Variants in COL18A1 observed in about 807,000 individuals in gnomAD.
The protein encoded by COL18A1 is collagen alpha-1(XVIII) chain.
COL18A1 carries 133 observed loss-of-function variants against 168.0 expected under a neutral mutation model. The ratio of observed to expected loss-of-function variants is 0.79; its 90% CI spans 0.69 to 0.91. The LOEUF (loss-of-function observed/expected upper bound fraction) is 0.91, where lower values mean the gene tolerates loss of function less well. Ranked by LOEUF, COL18A1 falls within the 40% of genes least tolerant of loss-of-function variation. The pLI is 0.00. For missense variants in COL18A1, 2,126 were observed against 1,925.4 expected (o/e 1.10, Z -1.95); for synonymous variants, 949 against 809.0 (o/e 1.17, Z -2.94).
rs1007900612 is a variant in COL18A1, at chr21:45,492,470, C to A, written c.2158-65C>A. 9 of 1,588,168 alleles carry A rather than the reference C, an allele frequency of 5.7e-6. No homozygotes were observed. The Admixed American group carries it at 8.3e-5, about 15-fold the overall frequency. On this transcript the variant is annotated intron_variant, in intron 22 of 41. Transcript: ENST00000651438. ...TGGTGTTTTGTTGATCTGTAAGTCG[C>A]TCGAGTCCAGTTGAATTTTAAACGC...
In COL18A1 at chr21:45,501,997, G is replaced by GC. The variant is rs1368281106; in HGVS notation, c.2684-2013dup. Among the ~76,000 whole-genome samples, 26 of 66,364 alleles carry GC rather than the reference G, an allele frequency of 3.9e-4. 1 individual carries two copies. Among genetic ancestry groups the GC allele is most frequent in the African/African-American group, 6.5e-4 (10 of 15,406 alleles). 43.5% of individuals were successfully genotyped at this position (66,364 alleles called of 152,430 possible). On this transcript the variant is annotated intron_variant, in intron 32 of 41. Transcript: ENST00000651438. ...TCCCTCTGCAGAAGGACCCTCAGGG[G>GC]CTCCACAGCCGGTCACCTCCCTCTG...
intron 38 of COL18A1, 68 bp downstream of exon 38, chr21:45,507,661 G>C: frequency 2.8e-6 from 4 of 1,446,344 alleles, no homozygotes; most frequent in South Asian, 2.3e-5. Context: ...GCTGTCCCCT[G>C]TTTGAGGAAC....
chr21:45,455,857 T>C, intron 2 of COL18A1: 1 of 1,613,094 alleles, frequency 6.2e-7, no homozygotes, highest in Non-Finnish European at 8.5e-7. Context: ...ACATTGCCGG[T>C]GTCGGAGCCG....
chr21:45,492,599 G>C, intron 23 of COL18A1, 35 bp downstream of exon 23: 1 of 1,612,810 alleles, frequency 6.2e-7, no homozygotes. Context: ...AGACGGGCCT[G>C]CGGGGACCTG....
rs759989824 is a variant in COL18A1, at chr21:45,489,493, C to T, written c.1931C>T (p.Pro644Leu). 1.9e-6 allele frequency: 3 copies of T among 1,602,596 alleles called. No homozygotes were observed. Among genetic ancestry groups the T allele is most frequent in the South Asian group, 2.2e-5 (2 of 89,286 alleles). Reference sequence around the variant, plus strand: ...GCCCCTTTTTTCACTTAGGGGGATCCTGGCGTGCCTGGGCTGCCGGGGGCG... The same window carrying T: ...GCCCCTTTTTTCACTTAGGGGGATCTTGGCGTGCCTGGGCTGCCGGGGGCG... ...PPGLPGLKGD[P>L]GVPGLPGAKG... The change falls in exon 19 of 42, where the codon CCT (proline) becomes CTT (leucine). Residue 644 changes from proline to leucine, a missense_variant. By Grantham distance (98) the Pro-to-Leu change is moderately conservative. Transcript: ENST00000651438.
intron 40 of COL18A1, 144 bp from the exon 41 acceptor site, chr21:45,510,967 C>T (rs1306551722): frequency 2.5e-5 from 1 of 40,392 alleles, no homozygotes; most frequent in South Asian, 2.1e-4. Flanking sequence ...CCACATACAC[C>T]CCCAAACACC....
At chr21:45,441,000 C>T (rs985129857) in intron 2 of COL18A1, among the ~76,000 whole-genome samples, 1 of 152,198 alleles carries the variant, frequency 6.6e-6, no homozygotes. Context: ...TCTCGCTGTG[C>T]CGAGGCTGAT....
intron 2 of COL18A1, among the ~76,000 whole-genome samples, chr21:45,413,760 A>G (rs946976322): frequency 9.8e-6 from 1 of 102,314 alleles, no homozygotes; most frequent in Non-Finnish European, 2.0e-5. Flanking sequence ...CCCGCCAGCC[A>G]TGCCCAGCAC....
At position 45,467,639 on chromosome 21, in the gene COL18A1, G is replaced by A. The variant is rs927903367; in HGVS notation, c.107-603G>A. Among the ~76,000 whole-genome samples the A allele has an allele frequency of 3.3e-5, 5 of 152,204 alleles. 1 individual carries two copies. Among genetic ancestry groups the A allele is most frequent in the South Asian group, 2.1e-4 (1 of 4,836 alleles). On this transcript the variant is annotated intron_variant, in intron 2 of 41. Transcript: ENST00000651438. ...CCACTCTGGGCGACGCCCCGTAGCC[G>A]AGGCTTCGAAGAACACTGGGGTGTG... is the stretch of plus-strand genomic sequence containing the variant.
At chr21:45,509,814 A>G (rs1481930323) in intron 39 of COL18A1, among the ~76,000 whole-genome samples, 1 of 152,162 alleles carries the variant, frequency 6.6e-6, no homozygotes, top group Non-Finnish European at 1.5e-5. Context: ...CCGCTGTCAC[A>G]TCCTTGAGGA....
chr21:45,506,227 G>A (rs2037194190), intron 37 of COL18A1: 2 of 509,606 alleles, frequency 3.9e-6, no homozygotes, highest in South Asian at 2.0e-5. Flanking sequence ...ATGTCACAGT[G>A]AACGTTTACA....
Position 45,477,915 on chromosome 21 carries a change from C to T in COL18A1, c.1171C>T (p.Pro391Ser). The change falls in exon 8 of 42, where the codon CCC (proline) becomes TCC (serine). Residue 391 changes from proline to serine, a missense_variant. Pro to Ser is a moderately conservative substitution (Grantham distance 74). Coordinates refer to ENST00000651438, the MANE Select transcript of COL18A1 (RefSeq NM_001379500.1). ...ALQTVPGPQG[P>S]PGPPGRDGTP... ...GCAAACTGTCCCCGGACCACAAGGACCCCCAGGGCCTCCGGGGAGGGACGG... is the reference window on the plus strand; with the variant it reads ...GCAAACTGTCCCCGGACCACAAGGATCCCCAGGGCCTCCGGGGAGGGACGG... 6.4e-7 allele frequency: 1 copy of T among 1,564,956 alleles called. No homozygotes were observed. The highest frequency in any genetic ancestry group is 8.7e-7 in the Non-Finnish European group (1 of 1,154,406).
In COL18A1 at chr21:45,456,433, C is replaced by T. The variant is rs988273624; in HGVS notation, c.107-11809C>T. The T allele has an allele frequency of 2.5e-5, 39 of 1,543,854 alleles. No homozygotes were observed. The Middle Eastern group carries it at 8.4e-4, about 33-fold the overall frequency. ...CAGTCACCACTTTAACCAGGGACAGCGGTGCTTGGGTCTCCCACGTGGCTA... is the reference window on the plus strand; with the variant it reads ...CAGTCACCACTTTAACCAGGGACAGTGGTGCTTGGGTCTCCCACGTGGCTA... On this transcript the variant is annotated intron_variant, in intron 2 of 41. Transcript: ENST00000651438.
chr21:45,408,866 A>G (rs1423764477), intron 2 of COL18A1, among the ~76,000 whole-genome samples: 2 of 152,194 alleles, frequency 1.3e-5, no homozygotes, highest in Non-Finnish European at 2.9e-5. Context: ...AAAGAACCTC[A>G]CAGCTGTGGG....
At chr21:45,416,326 C>T (rs1285071376) in intron 2 of COL18A1, among the ~76,000 whole-genome samples, 1 of 152,190 alleles carries the variant, frequency 6.6e-6, no homozygotes, top group Non-Finnish European at 1.5e-5. Flanking sequence ...TCTTGCCATG[C>T]CCAGTGTCCT....
chr21:45,444,726 C>CTG (rs1401131190), intron 2 of COL18A1, among the ~76,000 whole-genome samples: 4 of 152,234 alleles, frequency 2.6e-5, no homozygotes, highest in Non-Finnish European at 1.5e-5. Context: ...CTCGAACATG[C>CTG]TGGTACTAGG....
At chr21:45,453,985 G>A (rs142359364) in intron 2 of COL18A1, among the ~76,000 whole-genome samples, 3,492 of 152,318 alleles carry the variant, frequency 0.023, 58 homozygotes, top group Middle Eastern at 0.061. Context: ...CGCTGGTGGA[G>A]GAGGGGGCAG....
At chr21:45,414,908 C>T (rs370315981) in intron 2 of COL18A1, among the ~76,000 whole-genome samples, 86 of 152,178 alleles carry the variant, frequency 5.7e-4, no homozygotes, top group South Asian at 1.2e-3. Flanking sequence ...CACGTCATTA[C>T]GAGGGTCCTT....
chr21:45,508,097 TGGATGGTGGTCAGGCGGGTGAGTGGAC>T (rs374016499), intron 38 of COL18A1, among the ~76,000 whole-genome samples: 25 of 134,832 alleles, frequency 1.9e-4, no homozygotes, highest in African/African-American at 6.7e-4. Context: ...GGTGAGTGGA[TGGATGGTGGTCAGGCGGGTGAGTGGAC>T]GGGTGGGTGG....
Sources: allele counts gnomAD v4.1 joint callset (sites outside exome capture counted in the v4.1 genomes callset), GRCh38; gene constraint gnomAD v4.1.1; transcripts MANE v1.5; gene names NCBI Gene and HGNC (gene_info 2026-07-23, HGNC 2026-07-21).